The following STRN variants were observed in gnomAD, a reference collection of about 807,000 sequenced individuals.
STRN encodes the protein striatin.
In STRN, 53 loss-of-function variants were observed where a neutral mutation model predicts 96.3. The observed-to-expected ratio is 0.55, with a 90% CI of 0.44 to 0.69. STRN has a LOEUF of 0.69. Among genes scored for constraint, STRN ranks in the 30% least tolerant of loss-of-function variants. The pLI is 0.00. For missense variants in STRN, 987 were observed against 963.9 expected, an observed-to-expected ratio of 1.02 and a Z score of -0.32; for synonymous variants, 428 against 355.9, an observed-to-expected ratio of 1.20 and a Z score of -2.28.
chr2:36,966,431 G>A lies in STRN; in HGVS notation c.33C>T (p.Phe11=). 6.8e-7 allele frequency: 1 copy of A among 1,467,070 alleles called. No individual in the cohort carries two copies. The highest frequency in any genetic ancestry group is 9.0e-7 in the Non-Finnish European group (1 of 1,110,998). 90.9% of individuals were successfully genotyped at this position (1,467,070 alleles called of 1,614,324 possible). ...CGCCGGCGCCCGGGTGGTTGTTGCTGAAGAAGACGCCGGGACCCGCCTGCT... is the reference window on the plus strand; with the variant it reads ...CGCCGGCGCCCGGGTGGTTGTTGCTAAAGAAGACGCCGGGACCCGCCTGCT... MDEQAGPGVF[F]SNNHPGAGGA... is the part of the protein sequence containing the mutation. The change falls in exon 1 of 18, where the codon TTC becomes TTT. Residue 11 remains phenylalanine, a synonymous_variant. Coordinates refer to ENST00000263918, the MANE Select transcript of STRN (RefSeq NM_003162.4).
intron 4 of STRN, among the ~76,000 whole-genome samples, chr2:36,903,135 G>A (rs1178299440): frequency 4.6e-5 from 7 of 152,134 alleles, no homozygotes; most frequent in Non-Finnish European, 1.5e-5. Flanking sequence ...AACTGTTTGT[G>A]ATCTAGACAG....
At chr2:36,873,198 C>A (rs1308394245) in intron 10 of STRN, among the ~76,000 whole-genome samples, 1 of 152,210 alleles carries the variant, frequency 6.6e-6, no homozygotes, top group East Asian at 1.9e-4. Context: ...GATCCCAGAG[C>A]CAGTGGCTGC....
intron 7 of STRN, among the ~76,000 whole-genome samples, chr2:36,887,655 A>G (rs1022507335): frequency 4.6e-5 from 7 of 152,192 alleles, no homozygotes; most frequent in Non-Finnish European, 8.8e-5. Flanking sequence ...AGTAAGTGAT[A>G]ATTTTTATTT....
chr2:36,950,084 G>A (rs1572696660), intron 1 of STRN, among the ~76,000 whole-genome samples: 1 of 152,070 alleles, frequency 6.6e-6, no homozygotes, highest in South Asian at 2.1e-4. Context: ...ACTGAAGGTA[G>A]TAAATGTGGT....
chr2:36,886,952 A>G, intron 7 of STRN, 126 bp from the exon 8 acceptor site: 1 of 625,230 alleles, frequency 1.6e-6, no homozygotes, highest in Non-Finnish European at 2.6e-6. Context: ...AAGTCAGTTT[A>G]TTCATTTTAT....
At chr2:36,850,429 C>G (rs1352286067) in intron 16 of STRN, among the ~76,000 whole-genome samples, 2 of 152,070 alleles carry the variant, frequency 1.3e-5, no homozygotes. Context: ...AAAACTTGGG[C>G]AAATCTCCAT....
rs749186575 is a variant in STRN at position 36,837,813 on chromosome 2, T to C, written c.*11643A>G. Among the ~76,000 whole-genome samples the C allele has an allele frequency of 2.6e-5, 4 of 152,138 alleles. No homozygotes were observed. The highest frequency in any genetic ancestry group is 4.4e-5 in the Non-Finnish European group (3 of 68,038). ...TCCAAGATAAGAAAATCTGAACATA[T>C]ATTGTACAACATACAAAATGCTTTC... On this transcript the variant is annotated 3_prime_UTR_variant, in exon 18 of 18. Transcript: ENST00000263918.
chr2:36,909,083 G>C (rs1243464041), intron 3 of STRN, among the ~76,000 whole-genome samples: 2 of 150,844 alleles, frequency 1.3e-5, no homozygotes, highest in Non-Finnish European at 2.9e-5. Context: ...TTGAACCAAG[G>C]AGGCGAAGGT....
At chr2:36,904,769 T>C (rs1482973802) in intron 4 of STRN, among the ~76,000 whole-genome samples, 1 of 152,274 alleles carries the variant, frequency 6.6e-6, no homozygotes, top group Middle Eastern at 3.4e-3. Context: ...CAGCAGTTGC[T>C]GTAAGCCAAG....
chr2:36,894,191 C>G (rs1572654759), intron 6 of STRN, among the ~76,000 whole-genome samples, 158 bp from the exon 7 acceptor site: 2 of 152,102 alleles, frequency 1.3e-5, no homozygotes, highest in East Asian at 3.8e-4. Flanking sequence ...AAAATATGTA[C>G]ATTATAAATT....
At chr2:36,894,175 TTTTAAAAAA>T in intron 6 of STRN, 142 bp from the exon 7 acceptor site, 1 of 932,162 alleles carries the variant, frequency 1.1e-6, no homozygotes. Flanking sequence ...AATCACATAG[TTTTAAAAAA>T]TATGTACATT....
intron 12 of STRN, among the ~76,000 whole-genome samples, chr2:36,861,524 T>C (rs1486547617): frequency 6.6e-6 from 1 of 152,042 alleles, no homozygotes; most frequent in African/African-American, 2.4e-5. Flanking sequence ...TAAAGGGTTA[T>C]AAAACAAAAC....
chr2:36,895,254 G>A lies in STRN; in HGVS notation c.796-1221C>T, dbSNP rs570704146. On this transcript the variant is annotated intron_variant, in intron 6 of 17. Transcript: ENST00000263918. ...AGGCAGAAGAATGGCGTGAACCTGGGAGGCAGAGCTTGCAGTGAGCCAAGA... is the reference window on the plus strand; with the variant it reads ...AGGCAGAAGAATGGCGTGAACCTGGAAGGCAGAGCTTGCAGTGAGCCAAGA... 2.0e-4 allele frequency among the ~76,000 whole-genome samples: 31 copies of A among 151,956 alleles called. No homozygotes were observed. The South Asian group carries it at 6.0e-3, about 30-fold the overall frequency.
intron 1 of STRN, among the ~76,000 whole-genome samples, chr2:36,926,872 C>T (rs1670423941): frequency 6.6e-6 from 1 of 152,108 alleles, no homozygotes; most frequent in African/African-American, 2.4e-5. Context: ...ATAGTAATGA[C>T]ACATGCATTT....
chr2:36,904,783 G>T (rs1669775293), intron 4 of STRN, among the ~76,000 whole-genome samples: 1 of 152,156 alleles, frequency 6.6e-6, no homozygotes, highest in Non-Finnish European at 1.5e-5. Flanking sequence ...AGCCAAGATT[G>T]TGCCACTGGA....
chr2:36,941,426 T>C (rs1040565402), intron 1 of STRN, among the ~76,000 whole-genome samples: 5 of 152,202 alleles, frequency 3.3e-5, no homozygotes, highest in Non-Finnish European at 1.5e-5. Context: ...AGCTGTTAAA[T>C]GACATGCTCT....
chr2:36,872,870 A>G (rs1183217667), intron 10 of STRN, among the ~76,000 whole-genome samples: 2 of 152,246 alleles, frequency 1.3e-5, no homozygotes, highest in Non-Finnish European at 2.9e-5. Context: ...AAAAACAGAC[A>G]AAAAATACTG....
intron 7 of STRN, among the ~76,000 whole-genome samples, chr2:36,890,642 C>A (rs916150918): frequency 7.9e-5 from 12 of 151,920 alleles, no homozygotes; most frequent in African/African-American, 2.9e-4. Flanking sequence ...CGCCCCAATG[C>A]CCAGCTAATT....
At chr2:36,880,277 T>A (rs917695543) in intron 9 of STRN, among the ~76,000 whole-genome samples, 2 of 151,968 alleles carry the variant, frequency 1.3e-5, no homozygotes, top group Non-Finnish European at 2.9e-5. Context: ...CTCTACAAAA[T>A]TTTTTTTAAC....
Sources: allele counts gnomAD v4.1 joint callset (sites outside exome capture counted in the v4.1 genomes callset), GRCh38; gene constraint gnomAD v4.1.1; transcripts MANE v1.5; gene names NCBI Gene and HGNC (gene_info 2026-07-23, HGNC 2026-07-21).